RYR3: variants seen among roughly 807,000 people sequenced by gnomAD.
The protein encoded by RYR3 is brain ryanodine receptor-calcium release channel.
Under a neutral mutation model 584.3 loss-of-function variants are expected in RYR3, and 207 were observed. The ratio of observed to expected loss-of-function variants is 0.35; its 90% CI spans 0.32 to 0.40. RYR3 has a LOEUF of 0.40. RYR3 is among the 10% of genes least tolerant of loss of function. RYR3 has a pLI of 1.00. For synonymous variants in RYR3, 2,416 were observed against 2,248.5 expected (o/e 1.07, Z -2.11); for missense variants, 5,616 against 6,089.2 (o/e 0.92, Z 2.59).
rs1331581737 is a variant in RYR3, at chr15:33,837,090, A to G, written c.11650+103A>G. On this transcript the variant is annotated intron_variant, in intron 88 of 103. Coordinates refer to ENST00000634891, the MANE Select transcript of RYR3 (RefSeq NM_001036.6). ...ATCCTTCTGGCAGGTCACTGATGCC[A>G]TATGACATTGGTCAGAAAGCCAAAT... is the stretch of plus-strand genomic sequence containing the variant. 6.3e-6 allele frequency: 6 copies of G among 957,486 alleles called. No individual in the cohort carries two copies. In the Admixed American group the frequency reaches 9.0e-5, roughly 14 times the overall value. 59.3% of individuals were successfully genotyped at this position (957,486 alleles called of 1,614,324 possible). A position where few individuals can be genotyped will look rare whatever the true frequency, so the allele number is the denominator to read the frequency against.
intron 1 of RYR3, among the ~76,000 whole-genome samples, chr15:33,318,842 T>G (rs975093845): frequency 6.6e-6 from 1 of 152,188 alleles, no homozygotes; most frequent in African/African-American, 2.4e-5. Context: ...CTAAGGTGCC[T>G]CCTTCCTGAA....
chr15:33,754,243 T>C (rs1457798694), intron 57 of RYR3, among the ~76,000 whole-genome samples: 1 of 152,176 alleles, frequency 6.6e-6, no homozygotes, highest in Non-Finnish European at 1.5e-5. Context: ...CTCACCACCA[T>C]GGTCAATTTT....
At chr15:33,748,699 T>A (rs1005222583) in intron 55 of RYR3, among the ~76,000 whole-genome samples, 169 bp downstream of exon 55, 3 of 152,142 alleles carry the variant, frequency 2.0e-5, no homozygotes, top group East Asian at 3.9e-4. Flanking sequence ...CTCTGCAGAG[T>A]GAACCAATCC....
chr15:33,517,670 C>T (rs2053633447), intron 3 of RYR3, among the ~76,000 whole-genome samples: 1 of 152,120 alleles, frequency 6.6e-6, no homozygotes, highest in African/African-American at 2.4e-5. Context: ...GTGACCCAGG[C>T]TCATCTTAAT....
At chr15:33,862,142 A>G (rs1490411887) in intron 102 of RYR3, among the ~76,000 whole-genome samples, 2 of 152,066 alleles carry the variant, frequency 1.3e-5, no homozygotes, top group Non-Finnish European at 2.9e-5. Flanking sequence ...TACAAGAAAA[A>G]AAATAAAATG....
intron 16 of RYR3, among the ~76,000 whole-genome samples, chr15:33,599,833 T>C (rs1484794163): frequency 6.6e-6 from 1 of 152,198 alleles, no homozygotes; most frequent in Non-Finnish European, 1.5e-5. Context: ...ATTCTTTAAG[T>C]AGCATCATTT....
At chr15:33,815,362 T>C (rs1490226217) in intron 74 of RYR3, 1 of 152,636 alleles carries the variant, frequency 6.6e-6, no homozygotes, top group Non-Finnish European at 1.5e-5. Context: ...TGATTGAGAT[T>C]TCTACCTGAC....
intron 67 of RYR3, among the ~76,000 whole-genome samples, chr15:33,789,067 G>A (rs1204961929): frequency 6.6e-6 from 1 of 152,148 alleles, no homozygotes; most frequent in Non-Finnish European, 1.5e-5. Flanking sequence ...TGGGGCGGGG[G>A]TGTTGCAGGA....
In RYR3 at chr15:33,707,690, A is replaced by G. The variant is rs140159868; in HGVS notation, c.6619+636A>G. ...AGAATTTTTGTTATAATACTAATTCATTTGTATTGACATTATAGTTATAGT... is the reference window on the plus strand; with the variant it reads ...AGAATTTTTGTTATAATACTAATTCGTTTGTATTGACATTATAGTTATAGT... On this transcript the variant is annotated intron_variant, in intron 43 of 103. Transcript: ENST00000634891. 9.1e-4 allele frequency among the ~76,000 whole-genome samples: 138 copies of G among 152,270 alleles called. 1 individual carries two copies. In the Middle Eastern group the frequency reaches 0.01, roughly 11 times the overall value.
chr15:33,728,708 A>G (rs1020619055), intron 46 of RYR3, 149 bp from the exon 47 acceptor site: 7 of 684,464 alleles, frequency 1.0e-5, no homozygotes, highest in Non-Finnish European at 1.5e-5. Flanking sequence ...CAGGTTTCAG[A>G]TTTTTGGATT....
At chr15:33,829,996 A>G (rs1284655157) in intron 85 of RYR3, among the ~76,000 whole-genome samples, 1 of 152,238 alleles carries the variant, frequency 6.6e-6, no homozygotes, top group Non-Finnish European at 1.5e-5. Flanking sequence ...GTTTCCTCTC[A>G]TGGATGAGCA....
intron 32 of RYR3, among the ~76,000 whole-genome samples, chr15:33,656,609 G>A (rs2062836460): frequency 2.0e-5 from 3 of 152,182 alleles, no homozygotes; most frequent in Admixed American, 2.0e-4. Context: ...AACACAAAGT[G>A]TGCCCTGGGC....
chr15:33,599,144 C>A (rs1348166292), intron 16 of RYR3, among the ~76,000 whole-genome samples: 2 of 151,210 alleles, frequency 1.3e-5, no homozygotes. Context: ...GGAGTACTCT[C>A]AGACCTCAGC....
chr15:33,323,356 C>T (rs1427498830), intron 1 of RYR3, among the ~76,000 whole-genome samples: 1 of 152,122 alleles, frequency 6.6e-6, no homozygotes, highest in African/African-American at 2.4e-5. Flanking sequence ...GATCCGCCTG[C>T]CCCGGCCTCC....
chr15:33,593,262 T>A (rs36092464), intron 16 of RYR3, among the ~76,000 whole-genome samples: 34,459 of 151,834 alleles, frequency 0.23, 4,501 homozygotes, highest in Admixed American at 0.31. Flanking sequence ...TTCCCCACTT[T>A]TCTGTTTTTT....
chr15:33,589,322 T>G (rs2059012914), intron 16 of RYR3, among the ~76,000 whole-genome samples: 1 of 152,170 alleles, frequency 6.6e-6, no homozygotes, highest in African/African-American at 2.4e-5. Flanking sequence ...TGTGTTGTTG[T>G]TGAGTTGTTT....
At chr15:33,749,774 G>T (rs1438417396) in intron 55 of RYR3, among the ~76,000 whole-genome samples, 1 of 152,158 alleles carries the variant, frequency 6.6e-6, no homozygotes, top group Non-Finnish European at 1.5e-5. Context: ...GACAGAGTTA[G>T]AAATTGTTTT....
chr15:33,639,446 A>G (rs2061676700), intron 27 of RYR3, among the ~76,000 whole-genome samples: 1 of 152,204 alleles, frequency 6.6e-6, no homozygotes, highest in Non-Finnish European at 1.5e-5. Flanking sequence ...ATAACCACAT[A>G]GCATCTCTCT....
chr15:33,795,461 C>T (rs2075555618), intron 67 of RYR3, among the ~76,000 whole-genome samples: 2 of 126,236 alleles, frequency 1.6e-5, no homozygotes, highest in Admixed American at 2.0e-4. Context: ...GTGGCATGAT[C>T]TTGGCTCACT....
Sources: gnomAD v4.1 joint callset for allele counts (sites outside exome capture counted in the v4.1 genomes callset) on GRCh38, gnomAD v4.1.1 for gene constraint, MANE v1.5 for transcripts, NCBI Gene and HGNC (gene_info 2026-07-23, HGNC 2026-07-21) for gene names.